The following RAB6A variants were observed in gnomAD, a reference collection of about 807,000 sequenced individuals.
RAB6A encodes ras-related protein Rab-6A.
RAB6A carries 8 observed loss-of-function variants against 32.3 expected under a neutral mutation model. That is an observed-to-expected ratio of 0.25 (90% CI 0.15 to 0.45). The LOEUF is 0.45. Ranked by LOEUF, RAB6A falls within the 20% of genes least tolerant of loss-of-function variation. RAB6A has a pLI of 1.00. For synonymous variants in RAB6A, 73 were observed against 82.1 expected, an observed-to-expected ratio of 0.89 and a Z score of 0.60; for missense variants, 104 against 249.4, an observed-to-expected ratio of 0.42 and a Z score of 3.93.
At chr11:73,725,229 G>A (rs530969936) in intron 2 of RAB6A, among the ~76,000 whole-genome samples, 1 of 152,334 alleles carries the variant, frequency 6.6e-6, no homozygotes, top group Admixed American at 6.5e-5. Context: ...AAGTGGTAAA[G>A]TTAGCTTTTG....
At chr11:73,707,564 T>A (rs1289403986) in intron 5 of RAB6A, 51 bp from the exon 6 acceptor site, 1 of 1,289,644 alleles carries the variant, frequency 7.8e-7, no homozygotes, top group East Asian at 2.3e-5. Flanking sequence ...GGCAGTATTA[T>A]AAAGATTATA....
chr11:73,709,430 C>A (rs1429300383), intron 5 of RAB6A, among the ~76,000 whole-genome samples: 1 of 109,090 alleles, frequency 9.2e-6, no homozygotes, highest in African/African-American at 3.2e-5. Context: ...GAGTTTTCTC[C>A]TTAAGTATAT....
At chr11:73,752,888 A>T (rs1946689474) in intron 1 of RAB6A, among the ~76,000 whole-genome samples, 1 of 152,104 alleles carries the variant, frequency 6.6e-6, no homozygotes, top group African/African-American at 2.4e-5. Context: ...AGTTGAGAAA[A>T]ATCTTATGAG....
At chr11:73,684,232 T>TTAA (rs1945405853) in intron 6 of RAB6A, among the ~76,000 whole-genome samples, 1 of 150,824 alleles carries the variant, frequency 6.6e-6, no homozygotes, top group South Asian at 2.1e-4. Context: ...GCAGTGGTAC[T>TTAA]ATCTAGGCTT....
chr11:73,697,957 C>T (rs1352270137), intron 6 of RAB6A, among the ~76,000 whole-genome samples: 3 of 152,252 alleles, frequency 2.0e-5, no homozygotes, highest in Non-Finnish European at 2.9e-5. Flanking sequence ...TGGTGGCTCA[C>T]GCCTGTAACC....
Position 73,677,061 on chromosome 11 carries a change from C to T in RAB6A, c.*837G>A, listed in dbSNP as rs553639037. On this transcript the variant is annotated 3_prime_UTR_variant, in exon 8 of 8. Transcript: ENST00000336083. The stretch of plus-strand genomic sequence containing the variant: ...CCTTGGGAGAAACAGTTCATTAGAA[C>T]TTCATTTTCTTACCGTGAAGAATTA... 8.4e-5 allele frequency: 14 copies of T among 167,042 alleles called. No individual in the cohort carries two copies. The South Asian group carries it at 2.7e-3, about 32-fold the overall frequency. 10.3% of individuals were successfully genotyped at this position (167,042 alleles called of 1,614,324 possible). A position where few individuals can be genotyped will look rare whatever the true frequency, so the allele number is the denominator to read the frequency against.
intron 6 of RAB6A, among the ~76,000 whole-genome samples, chr11:73,702,694 C>A (rs1293349255): frequency 6.6e-6 from 1 of 152,132 alleles, no homozygotes; most frequent in Non-Finnish European, 1.5e-5. Context: ...TTAAGATTAT[C>A]TAGAAATGTC....
chr11:73,700,385 G>A (rs1945720960), intron 6 of RAB6A, among the ~76,000 whole-genome samples: 1 of 152,112 alleles, frequency 6.6e-6, no homozygotes, highest in Admixed American at 6.6e-5. Context: ...TGGATCACTT[G>A]AGGCCTGGGC....
At chr11:73,751,328 T>C (rs1226393712) in intron 1 of RAB6A, among the ~76,000 whole-genome samples, 1 of 152,084 alleles carries the variant, frequency 6.6e-6, no homozygotes, top group African/African-American at 2.4e-5. Flanking sequence ...AAGTATTAAG[T>C]GTTGGTTCTC....
intron 6 of RAB6A, among the ~76,000 whole-genome samples, chr11:73,704,792 C>A (rs1164230359): frequency 6.6e-6 from 1 of 151,654 alleles, no homozygotes; most frequent in Non-Finnish European, 1.5e-5. Flanking sequence ...GTCAGGAGAT[C>A]GAGACCATCC....
chr11:73,752,995 G>A (rs369753753), intron 1 of RAB6A, among the ~76,000 whole-genome samples: 68 of 152,326 alleles, frequency 4.5e-4, no homozygotes, highest in African/African-American at 1.6e-3. Context: ...GTGCATGCCT[G>A]TAATTCCAGA....
intron 1 of RAB6A, chr11:73,759,951 C>T: frequency 8.8e-7 from 1 of 1,138,810 alleles, no homozygotes; most frequent in South Asian, 1.3e-5. Flanking sequence ...ACCCCATGCT[C>T]AAGTCGTCTC....
chr11:73,677,696 A>T lies in RAB6A; in HGVS notation c.*202T>A. The T allele has an allele frequency of 7.3e-7, 1 of 1,371,618 alleles. No individual in the cohort carries two copies. Among genetic ancestry groups the T allele is most frequent in the South Asian group, 1.7e-5 (1 of 59,670 alleles). The allele number at this position is 1,371,618 out of a possible 1,614,324, so 85.0% of individuals were successfully genotyped here. On this transcript the variant is annotated 3_prime_UTR_variant, in exon 8 of 8. Transcript: ENST00000336083. ...TGCTGAAATATTTTGGCTTTTTGTA[A>T]AATATAAATAATGAAGACACTGACT...
intron 1 of RAB6A, among the ~76,000 whole-genome samples, chr11:73,734,755 A>AG (rs1263267499): frequency 6.6e-6 from 1 of 152,196 alleles, no homozygotes; most frequent in Non-Finnish European, 1.5e-5. Flanking sequence ...TCCTGCCGTG[A>AG]GGCCTGGTTC....
At chr11:73,725,842 G>C (rs1267385989) in intron 2 of RAB6A, among the ~76,000 whole-genome samples, 1 of 152,132 alleles carries the variant, frequency 6.6e-6, no homozygotes, top group Admixed American at 6.5e-5. Context: ...AGAAGACACA[G>C]GACCAGATGT....
chr11:73,734,726 C>T (rs143978165), intron 1 of RAB6A, among the ~76,000 whole-genome samples: 167 of 152,264 alleles, frequency 1.1e-3, no homozygotes, highest in African/African-American at 3.7e-3. Context: ...GGAGGTGGAG[C>T]TCAGGCCCAC....
chr11:73,678,045 T>C (rs975724295), intron 7 of RAB6A, 83 bp from the exon 8 acceptor site: 1 of 1,375,324 alleles, frequency 7.3e-7, no homozygotes, highest in African/African-American at 1.4e-5. Flanking sequence ...ATGGCCCTTA[T>C]ATTCCTATCT....
intron 6 of RAB6A, among the ~76,000 whole-genome samples, chr11:73,680,409 C>A (rs1210460349): frequency 6.6e-6 from 1 of 152,224 alleles, no homozygotes; most frequent in African/African-American, 2.4e-5. Context: ...GTAATCCCAG[C>A]ACTTTGGGAG....
chr11:73,692,501 T>TAAA (rs1945585205), intron 6 of RAB6A, among the ~76,000 whole-genome samples: 2 of 34,726 alleles, frequency 5.8e-5, no homozygotes, highest in African/African-American at 2.7e-4. Context: ...AGACTCTGTC[T>TAAA]CAAAAAAAAA....
Sources: gnomAD v4.1 joint callset for allele counts (sites outside exome capture counted in the v4.1 genomes callset) on GRCh38, gnomAD v4.1.1 for gene constraint, MANE v1.5 for transcripts, NCBI Gene and HGNC (gene_info 2026-07-23, HGNC 2026-07-21) for gene names.